The following ADGRL3 variants were observed in gnomAD, a reference collection of about 807,000 sequenced individuals.
The protein encoded by ADGRL3 is adhesion G protein-coupled receptor L3, also known as calcium-independent alpha-latrotoxin receptor 3.
ADGRL3 carries 62 observed loss-of-function variants against 153.5 expected under a neutral mutation model. The observed-to-expected ratio is 0.40, with a 90% CI of 0.33 to 0.50. The LOEUF (loss-of-function observed/expected upper bound fraction) is 0.50. ADGRL3 is among the 20% of genes least tolerant of loss of function. The pLI is 0.47. For missense variants in ADGRL3, 1,641 were observed against 1,859.4 expected (o/e 0.88, Z 2.16); for synonymous variants, 710 against 672.5 (o/e 1.06, Z -0.86).
chr4:61,223,904 G>A (rs1270663966), intron 1 of ADGRL3, among the ~76,000 whole-genome samples: 1 of 152,040 alleles, frequency 6.6e-6, no homozygotes, highest in Non-Finnish European at 1.5e-5. Context: ...AAAATGCTAG[G>A]TAAGTGTCTT....
At chr4:61,387,874 GA>G (rs1429481637) in intron 2 of ADGRL3, among the ~76,000 whole-genome samples, 1 of 152,164 alleles carries the variant, frequency 6.6e-6, no homozygotes, top group African/African-American at 2.4e-5. Flanking sequence ...ATTGATTGGG[GA>G]AGTGGTAAGT....
intron 9 of ADGRL3, among the ~76,000 whole-genome samples, chr4:61,826,578 G>T (rs1220638892): frequency 6.6e-6 from 1 of 152,180 alleles, no homozygotes; most frequent in Admixed American, 6.5e-5. Context: ...ATCATGCAGG[G>T]TCTTGTAAGA....
At chr4:61,483,235 C>T (rs997854333) in intron 2 of ADGRL3, among the ~76,000 whole-genome samples, 1 of 152,100 alleles carries the variant, frequency 6.6e-6, no homozygotes, top group Non-Finnish European at 1.5e-5. Flanking sequence ...CTCTCTGCAT[C>T]ATAAAATTTA....
At chr4:61,301,948 C>G (rs1266751757) in intron 1 of ADGRL3, among the ~76,000 whole-genome samples, 1 of 152,028 alleles carries the variant, frequency 6.6e-6, no homozygotes, top group East Asian at 1.9e-4. Context: ...TCAGGGTTGG[C>G]AAAGGCAAGA....
chr4:61,297,803 C>T (rs2094458263), intron 1 of ADGRL3, among the ~76,000 whole-genome samples: 2 of 151,806 alleles, frequency 1.3e-5, no homozygotes, highest in South Asian at 2.1e-4. Context: ...CAACTGTTAC[C>T]ACCGCCACCG....
In ADGRL3 at chr4:61,258,093, C is replaced by G. The variant is rs929508940; in HGVS notation, c.-240+56328C>G. 3.9e-5 allele frequency among the ~76,000 whole-genome samples: 6 copies of G among 152,308 alleles called. No homozygotes were observed. The South Asian group carries it at 1.2e-3, about 32-fold the overall frequency. On this transcript the variant is annotated intron_variant, in intron 1 of 26. Coordinates refer to ENST00000683033, the MANE Select transcript of ADGRL3 (RefSeq NM_001387552.1). ...ACCTTAGTGCAAGGACCTATCCCCC[C>G]CAGACTAAATACTGATTATCACAAG...
At chr4:62,028,966 T>A in intron 22 of ADGRL3, 85 bp downstream of exon 22, 1 of 1,204,000 alleles carries the variant, frequency 8.3e-7, no homozygotes, top group Admixed American at 2.2e-5. Flanking sequence ...GAAAAATCAT[T>A]AGAGCTTCTG....
At chr4:61,716,633 T>C (rs941729661) in intron 6 of ADGRL3, among the ~76,000 whole-genome samples, 2 of 152,154 alleles carry the variant, frequency 1.3e-5, no homozygotes, top group African/African-American at 4.8e-5. Flanking sequence ...CAATAATATG[T>C]ATTGTGCAAT....
chr4:61,949,206 G>C (rs2098937428), intron 17 of ADGRL3, among the ~76,000 whole-genome samples: 1 of 152,080 alleles, frequency 6.6e-6, no homozygotes, highest in Non-Finnish European at 1.5e-5. Flanking sequence ...TCATCTCAAT[G>C]GTTAAGAACT....
At chr4:61,270,042 TA>T (rs951776834) in intron 1 of ADGRL3, among the ~76,000 whole-genome samples, 2 of 151,790 alleles carry the variant, frequency 1.3e-5, no homozygotes, top group African/African-American at 2.4e-5. Flanking sequence ...TTACTATATA[TA>T]AAAAACAATA....
intron 6 of ADGRL3, among the ~76,000 whole-genome samples, chr4:61,730,330 C>G (rs1037764848): frequency 1.3e-5 from 2 of 151,818 alleles, no homozygotes; most frequent in Non-Finnish European, 2.9e-5. Context: ...ATGAATATTG[C>G]ATTTCCTGTG....
At chr4:61,207,985 TATTA>T (rs990672762) in intron 1 of ADGRL3, among the ~76,000 whole-genome samples, 6 of 152,206 alleles carry the variant, frequency 3.9e-5, no homozygotes, top group Non-Finnish European at 8.8e-5. Flanking sequence ...TGGATATAGT[TATTA>T]ATTATTTGGC....
intron 1 of ADGRL3, among the ~76,000 whole-genome samples, chr4:61,291,354 T>A (rs1485370045): frequency 6.6e-6 from 1 of 151,562 alleles, no homozygotes; most frequent in Non-Finnish European, 1.5e-5. Flanking sequence ...AACAATACAG[T>A]GTAACAATGA....
At chr4:61,494,496 C>T (rs2098292117) in intron 2 of ADGRL3, among the ~76,000 whole-genome samples, 1 of 152,126 alleles carries the variant, frequency 6.6e-6, no homozygotes, top group South Asian at 2.1e-4. Flanking sequence ...TTATTTTGTG[C>T]ATGTTAAATA....
chr4:61,757,542 C>G (rs1034623610), intron 8 of ADGRL3, among the ~76,000 whole-genome samples: 3 of 151,950 alleles, frequency 2.0e-5, no homozygotes, highest in Admixed American at 2.0e-4. Flanking sequence ...AGCAGTCTAT[C>G]AATTTTGTTG....
intron 13 of ADGRL3, among the ~76,000 whole-genome samples, chr4:61,915,909 TG>T (rs1177026324): frequency 2.0e-5 from 3 of 151,854 alleles, no homozygotes; most frequent in African/African-American, 4.8e-5. Flanking sequence ...TCATCATAAT[TG>T]TTTTTTTTTT....
chr4:61,848,080 A>T (rs28549384), intron 9 of ADGRL3, among the ~76,000 whole-genome samples: 1 of 21,232 alleles, frequency 4.7e-5, no homozygotes, highest in South Asian at 1.3e-3. Context: ...AAAATATATT[A>T]TATATATAAT....
intron 17 of ADGRL3, among the ~76,000 whole-genome samples, 155 bp from the exon 18 acceptor site, chr4:61,979,408 G>C (rs2099059556): frequency 6.6e-6 from 1 of 152,180 alleles, no homozygotes; most frequent in African/African-American, 2.4e-5. Flanking sequence ...ATCTGTGGAA[G>C]AGAAAACCCA....
intron 1 of ADGRL3, among the ~76,000 whole-genome samples, chr4:61,333,661 C>A (rs572952223): frequency 7.9e-5 from 12 of 152,116 alleles, no homozygotes; most frequent in Non-Finnish European, 1.5e-5. Flanking sequence ...GTCACAATCA[C>A]GGCTTACTGC....
Sources: allele counts gnomAD v4.1 joint callset (sites outside exome capture counted in the v4.1 genomes callset), GRCh38; gene constraint gnomAD v4.1.1; transcripts MANE v1.5; gene names NCBI Gene and HGNC (gene_info 2026-07-23, HGNC 2026-07-21).